The following MGST2 variants were observed in gnomAD, a reference collection of about 807,000 sequenced individuals.
The protein encoded by MGST2 is glutathione peroxidase MGST2.
Under a neutral mutation model 16.6 loss-of-function variants are expected in MGST2, and 9 were observed. That is an observed-to-expected ratio of 0.54 (90% CI 0.33 to 0.95). The LOEUF (loss-of-function observed/expected upper bound fraction) is 0.95. MGST2 is among the 40% of genes least tolerant of loss of function. MGST2 has a pLI of 0.03. For missense variants in MGST2, 159 were observed against 175.1 expected (o/e 0.91, Z 0.52); for synonymous variants, 79 against 68.0 (o/e 1.16, Z -0.79).
intron 2 of MGST2, chr4:139,685,325 G>C (rs1731502668): frequency 6.2e-6 from 1 of 161,678 alleles, no homozygotes; most frequent in African/African-American, 2.4e-5. Context: ...CACATGGAGT[G>C]GGGAGGGAGG....
At chr4:139,682,679 T>G (rs1409019275) in intron 2 of MGST2, among the ~76,000 whole-genome samples, 1 of 152,134 alleles carries the variant, frequency 6.6e-6, no homozygotes, top group East Asian at 1.9e-4. Context: ...GAGAAGAGCC[T>G]GTATAGAGGC....
In MGST2 at chr4:139,716,764, A is replaced by AATC. The variant is rs764794543; in HGVS notation, c.*48+12569_*48+12571dup. 6 of 152,616 alleles carry AATC rather than the reference A, an allele frequency of 3.9e-5. No homozygotes were observed. The South Asian group carries it at 6.2e-4, about 16-fold the overall frequency. The allele number at this position is 152,616 out of a possible 1,614,324, so 9.5% of individuals were successfully genotyped here. On this transcript the variant is annotated intron_variant, in intron 5 of 5. Coordinates refer to the MGST2 transcript ENST00000616265. ...AACTATACTTTGGATTGATTCAGATAATCTTTTATTTTTGTTTTTGTTTTC... is the reference window on the plus strand; with the variant it reads ...AACTATACTTTGGATTGATTCAGATAATCATCTTTTATTTTTGTTTTTGTTTTC...
chr4:139,688,200 G>A (rs758439898), intron 2 of MGST2, among the ~76,000 whole-genome samples: 1 of 152,118 alleles, frequency 6.6e-6, no homozygotes, highest in East Asian at 1.9e-4. Flanking sequence ...TTGAGGCTAG[G>A]GAGCACTAAT....
At chr4:139,667,788 G>A (rs921137306) in intron 1 of MGST2, among the ~76,000 whole-genome samples, 1 of 152,060 alleles carries the variant, frequency 6.6e-6, no homozygotes, top group East Asian at 1.9e-4. Flanking sequence ...AACCTGGGAG[G>A]GGGAGGTTGC....
At chr4:139,684,452 A>G (rs1203398095) in intron 2 of MGST2, among the ~76,000 whole-genome samples, 1 of 152,200 alleles carries the variant, frequency 6.6e-6, no homozygotes, top group African/African-American at 2.4e-5. Context: ...GGTCCTGCAG[A>G]GAGATCTGAA....
intron 1 of MGST2, among the ~76,000 whole-genome samples, chr4:139,669,296 G>A (rs1730539411): frequency 6.6e-6 from 1 of 152,166 alleles, no homozygotes; most frequent in East Asian, 1.9e-4. Context: ...AGACACAACT[G>A]TTTAGCTGGC....
intron 3 of MGST2, among the ~76,000 whole-genome samples, chr4:139,699,747 A>G (rs893658573): frequency 6.6e-6 from 1 of 152,214 alleles, no homozygotes; most frequent in Admixed American, 6.5e-5. Context: ...TCACATTAAT[A>G]ATTATAGCTG....
chr4:139,706,420 T>G (rs1447483776), downstream of MGST2, among the ~76,000 whole-genome samples: 1 of 152,232 alleles, frequency 6.6e-6, no homozygotes, highest in African/African-American at 2.4e-5. Flanking sequence ...AGGGCAAATA[T>G]GCTAAAAAGC....
chr4:139,712,144 A>G (rs1332471632), intron 5 of MGST2, among the ~76,000 whole-genome samples: 1 of 152,248 alleles, frequency 6.6e-6, no homozygotes, highest in African/African-American at 2.4e-5. Flanking sequence ...AGCAAGCTAA[A>G]TTAGAAGGCT....
At chr4:139,672,849 C>T (rs556572014) in intron 1 of MGST2, among the ~76,000 whole-genome samples, 55 of 152,168 alleles carry the variant, frequency 3.6e-4, no homozygotes, top group African/African-American at 1.2e-3. Flanking sequence ...CTACTGGGCC[C>T]GGACAGCATT....
intron 2 of MGST2, among the ~76,000 whole-genome samples, chr4:139,683,920 T>G (rs994197969): frequency 1.8e-4 from 12 of 65,164 alleles, no homozygotes; most frequent in Admixed American, 2.7e-4. Flanking sequence ...CAGTTTTGTG[T>G]TTTTTTTTTT....
At chr4:139,722,907 A>C (rs1427969883) in intron 5 of MGST2, among the ~76,000 whole-genome samples, 1 of 152,218 alleles carries the variant, frequency 6.6e-6, no homozygotes, top group Admixed American at 6.5e-5. Flanking sequence ...AAAACAAATT[A>C]TATATCTCAA....
intron 5 of MGST2, among the ~76,000 whole-genome samples, chr4:139,725,339 G>A (rs1309655998): frequency 2.0e-5 from 3 of 152,132 alleles, no homozygotes; most frequent in Non-Finnish European, 4.4e-5. Flanking sequence ...AAAAAGATGT[G>A]GCACAAGATT....
Position 139,674,137 on chromosome 4 carries a change from G to A in MGST2, c.59-4406G>A, listed in dbSNP as rs550122710. 3.4e-4 allele frequency among the ~76,000 whole-genome samples: 52 copies of A among 152,306 alleles called. 1 individual carries two copies. The South Asian group carries it at 7.9e-3, about 23-fold the overall frequency. ...TTTTGCCAGGGTTAAGGACATGCCCGTGACACAGCCTCAGGGGCTCCTGAC... is the reference window on the plus strand; with the variant it reads ...TTTTGCCAGGGTTAAGGACATGCCCATGACACAGCCTCAGGGGCTCCTGAC... On this transcript the variant is annotated intron_variant, in intron 1 of 4. Coordinates refer to ENST00000265498, the MANE Select transcript of MGST2 (RefSeq NM_002413.5).
intron 3 of MGST2, among the ~76,000 whole-genome samples, chr4:139,700,587 A>G (rs1727198282): frequency 6.6e-6 from 1 of 152,232 alleles, no homozygotes; most frequent in South Asian, 2.1e-4. Context: ...CCAACTTGAC[A>G]TTCACCAATG....
intron 5 of MGST2, chr4:139,719,312 G>A (rs1728124500): frequency 6.4e-7 from 1 of 1,554,144 alleles, no homozygotes; most frequent in Non-Finnish European, 8.7e-7. Context: ...GGATCTTGGG[G>A]CCTCTCTTGA....
At chr4:139,733,396 C>G (rs996519423) in intron 5 of MGST2, among the ~76,000 whole-genome samples, 6 of 152,100 alleles carry the variant, frequency 3.9e-5, no homozygotes, top group Non-Finnish European at 5.9e-5. Flanking sequence ...GACCAGCCCG[C>G]ACAGCTGGGG....
At chr4:139,681,939 C>T (rs1292203620) in intron 2 of MGST2, among the ~76,000 whole-genome samples, 2 of 151,996 alleles carry the variant, frequency 1.3e-5, no homozygotes, top group Non-Finnish European at 2.9e-5. Context: ...ACCTGTAATC[C>T]CAGGGACTCA....
At chr4:139,689,534 G>A (rs556475135) in intron 2 of MGST2, among the ~76,000 whole-genome samples, 1 of 152,106 alleles carries the variant, frequency 6.6e-6, no homozygotes, top group Non-Finnish European at 1.5e-5. Context: ...CCAAAAGACC[G>A]CCCAGGGTCC....
Sources: gnomAD v4.1 joint callset for allele counts (sites outside exome capture counted in the v4.1 genomes callset) on GRCh38, gnomAD v4.1.1 for gene constraint, MANE v1.5 for transcripts, NCBI Gene and HGNC (gene_info 2026-07-23, HGNC 2026-07-21) for gene names.